XKR4: variants seen among roughly 807,000 people sequenced by gnomAD.
XKR4 encodes XK related 4.
A neutral mutation model predicts 53.9 loss-of-function variants in XKR4; 12 were observed. That is an observed-to-expected ratio of 0.22 (90% CI 0.14 to 0.36). XKR4 has a LOEUF of 0.36. XKR4 is among the 10% of genes least tolerant of loss of function. The probability of loss-of-function intolerance (pLI) is 1.00; values close to 1 mark genes in which losing one functional copy is unlikely to be tolerated. For synonymous variants in XKR4, 354 were observed against 362.4 expected (o/e 0.98, Z 0.26); for missense variants, 799 against 859.5 (o/e 0.93, Z 0.88).
At chr8:55,177,228 G>A (rs139657562) in intron 1 of XKR4, among the ~76,000 whole-genome samples, 2 of 151,970 alleles carry the variant, frequency 1.3e-5, no homozygotes, top group East Asian at 1.9e-4. Context: ...GTAGAAACAG[G>A]GTTTCACCAT....
At chr8:55,114,766 A>G (rs573879612) in intron 1 of XKR4, among the ~76,000 whole-genome samples, 2 of 152,352 alleles carry the variant, frequency 1.3e-5, no homozygotes, top group East Asian at 3.9e-4. Context: ...CTGCAAGCTC[A>G]TGAGCAACTC....
intron 1 of XKR4, among the ~76,000 whole-genome samples, chr8:55,304,456 A>C (rs1819260699): frequency 6.6e-6 from 1 of 152,194 alleles, no homozygotes; most frequent in Non-Finnish European, 1.5e-5. Flanking sequence ...TGTGGTGCTG[A>C]GAAGAATGTA....
At chr8:55,242,317 G>A (rs1212579061) in intron 1 of XKR4, among the ~76,000 whole-genome samples, 5 of 152,156 alleles carry the variant, frequency 3.3e-5, no homozygotes, top group African/African-American at 4.8e-5. Flanking sequence ...AAGGTTATGA[G>A]TACAAAGGGT....
intron 1 of XKR4, among the ~76,000 whole-genome samples, chr8:55,249,956 AT>A (rs994084906): frequency 1.5e-4 from 22 of 151,080 alleles, no homozygotes; most frequent in African/African-American, 4.4e-4. Context: ...CTACTTACTT[AT>A]TTTTTTTTAG....
At chr8:55,501,814 C>G (rs531120370) in intron 2 of XKR4, among the ~76,000 whole-genome samples, 1 of 151,968 alleles carries the variant, frequency 6.6e-6, no homozygotes, top group African/African-American at 2.4e-5. Flanking sequence ...CTTTTTGAGT[C>G]CCTGCTTTCA....
chr8:55,388,336 A>G (rs1339500782), intron 2 of XKR4, among the ~76,000 whole-genome samples: 2 of 152,240 alleles, frequency 1.3e-5, no homozygotes, highest in Non-Finnish European at 2.9e-5. Context: ...TGTTTCTGGA[A>G]TAAAAAAGAG....
chr8:55,232,975 A>G (rs778352260), intron 1 of XKR4, among the ~76,000 whole-genome samples: 2 of 152,024 alleles, frequency 1.3e-5, no homozygotes, highest in Non-Finnish European at 2.9e-5. Flanking sequence ...TAATCTATGT[A>G]TTTGCTGCCC....
rs115190928 is a variant in XKR4, at chr8:55,221,905, C to T, written c.806+118611C>T. On this transcript the variant is annotated intron_variant, in intron 1 of 2. Transcript: ENST00000327381. ...TGAGGAAAGAGGAGGGTGAATCCAC[C>T]TGTCTCACCAGAGGTAGGACTAGAC... Among the ~76,000 whole-genome samples the T allele has an allele frequency of 1.5e-3, 236 of 152,336 alleles. 3 individuals carry two copies. The highest frequency in any genetic ancestry group is 4.4e-3 in the African/African-American group (183 of 41,580).
At chr8:55,208,910 C>G (rs1439239542) in intron 1 of XKR4, among the ~76,000 whole-genome samples, 1 of 152,172 alleles carries the variant, frequency 6.6e-6, no homozygotes, top group East Asian at 1.9e-4. Flanking sequence ...TAAAAAGATC[C>G]TTCCAGTGGA....
rs114240961 is a variant in XKR4, at chr8:55,398,674, T to C, written c.1006+40797T>C. Reference sequence around the variant, plus strand: ...CACTGAGTACCAATCAAGCATCAGATTAATAACATCCAGGAGGAGACAAGA... The same window carrying C: ...CACTGAGTACCAATCAAGCATCAGACTAATAACATCCAGGAGGAGACAAGA... On this transcript the variant is annotated intron_variant, in intron 2 of 2. Transcript: ENST00000327381. Among the ~76,000 whole-genome samples the C allele has an allele frequency of 7.9e-3, 1,208 of 152,234 alleles. 15 individuals carry two copies. Among genetic ancestry groups the C allele is most frequent in the African/African-American group, 0.027 (1,125 of 41,526 alleles).
intron 1 of XKR4, among the ~76,000 whole-genome samples, chr8:55,247,465 C>T (rs1008708955): frequency 4.6e-5 from 7 of 152,096 alleles, no homozygotes; most frequent in African/African-American, 1.4e-4. Context: ...GCAAAACCAT[C>T]GTCATCATCA....
chr8:55,490,080 A>T (rs1448154723), intron 2 of XKR4, among the ~76,000 whole-genome samples: 1 of 151,884 alleles, frequency 6.6e-6, no homozygotes, highest in East Asian at 1.9e-4. Flanking sequence ...ACCATTTCTG[A>T]CACTCTTTAT....
At chr8:55,298,233 A>G (rs1819127745) in intron 1 of XKR4, among the ~76,000 whole-genome samples, 1 of 152,200 alleles carries the variant, frequency 6.6e-6, no homozygotes, top group East Asian at 1.9e-4. Flanking sequence ...CTTTTGTAAA[A>G]TAATGTAAAA....
intron 2 of XKR4, chr8:55,517,238 G>C (rs1207290368): frequency 6.6e-6 from 1 of 152,006 alleles, no homozygotes; most frequent in Non-Finnish European, 1.5e-5. Context: ...ATACAACATA[G>C]GCATGCAAGA....
intron 2 of XKR4, among the ~76,000 whole-genome samples, chr8:55,421,356 A>G (rs1289809837): frequency 4.6e-5 from 7 of 152,346 alleles, no homozygotes; most frequent in East Asian, 1.9e-4. Flanking sequence ...GGATCTTCCC[A>G]CCTTGCCATA....
chr8:55,111,615 TAAA>T (rs1235857816), intron 1 of XKR4, among the ~76,000 whole-genome samples: 1 of 152,164 alleles, frequency 6.6e-6, no homozygotes, highest in Non-Finnish European at 1.5e-5. Context: ...CAATTTTCAT[TAAA>T]AACACATATC....
In XKR4 at chr8:55,315,650, C is replaced by A. The variant is rs1000937206; in HGVS notation, c.807-42028C>A. 5.3e-5 allele frequency among the ~76,000 whole-genome samples: 8 copies of A among 152,132 alleles called. No homozygotes were observed. In the South Asian group the frequency reaches 6.2e-4, roughly 12 times the overall value. ...CTCCAGCCTGAGTGACAGAGCAAGA[C>A]CCTGTCTCTAAAAACATAAAACCAA... On this transcript the variant is annotated intron_variant, in intron 1 of 2. Coordinates refer to ENST00000327381, the MANE Select transcript of XKR4 (RefSeq NM_052898.2).
At chr8:55,206,155 T>C (rs894920033) in intron 1 of XKR4, among the ~76,000 whole-genome samples, 1 of 152,204 alleles carries the variant, frequency 6.6e-6, no homozygotes, top group Non-Finnish European at 1.5e-5. Context: ...GCAAGATTTA[T>C]TGCGAAGAGC....
At chr8:55,449,439 A>G (rs1805393250) in intron 2 of XKR4, 1 of 751,218 alleles carries the variant, frequency 1.3e-6, no homozygotes, top group Non-Finnish European at 2.3e-6. Context: ...AAACATGGCC[A>G]GGGCTGCCCT....
Sources: gnomAD v4.1 joint callset for allele counts (sites outside exome capture counted in the v4.1 genomes callset) on GRCh38, gnomAD v4.1.1 for gene constraint, MANE v1.5 for transcripts, NCBI Gene and HGNC (gene_info 2026-07-23, HGNC 2026-07-21) for gene names.